The following SLC36A1 variants were observed in gnomAD, a reference collection of about 807,000 sequenced individuals.
SLC36A1 encodes the protein proton-coupled amino acid transporter 1.
In SLC36A1, 30 loss-of-function variants were observed where a neutral mutation model predicts 47.5. That is an observed-to-expected ratio of 0.63 (90% CI 0.47 to 0.86). The LOEUF is 0.86. SLC36A1 is among the 40% of genes least tolerant of loss of function. The pLI, the probability that SLC36A1 is intolerant of heterozygous loss-of-function variation, is 0.00. For missense variants in SLC36A1, 517 were observed against 606.0 expected, an observed-to-expected ratio of 0.85 and a Z score of 1.54; for synonymous variants, 255 against 249.7, an observed-to-expected ratio of 1.02 and a Z score of -0.20.
At chr5:151,521,473 G>A in the SLC36A1 span, 1 of 1,614,226 alleles carries the variant, frequency 6.2e-7, no homozygotes, top group Admixed American at 1.7e-5. Flanking sequence ...CATCTCCTTG[G>A]CTGAGTGAGT....
chr5:151,388,413 A>G, the SLC36A1 span, among the ~76,000 whole-genome samples: 1 of 148,460 alleles, frequency 6.7e-6, no homozygotes, highest in Non-Finnish European at 1.5e-5. Context: ...AGGCAGGAGA[A>G]TCGCTTGAAT....
upstream of SLC36A1, chr5:151,437,000 A>C (rs1508772): frequency 0.51 from 77,583 of 151,988 alleles, 21,968 homozygotes; most frequent in African/African-American, 0.77. Context: ...GTGAGGTAAC[A>C]CTGAGGTCTG....
upstream of SLC36A1, among the ~76,000 whole-genome samples, chr5:151,446,428 G>A (rs1021786187): frequency 6.6e-6 from 1 of 152,122 alleles, no homozygotes; most frequent in Non-Finnish European, 1.5e-5. Flanking sequence ...TACTTGGGAG[G>A]CTGAGACAGG....
upstream of SLC36A1, among the ~76,000 whole-genome samples, chr5:151,436,093 T>C (rs578125860): frequency 3.3e-5 from 5 of 150,992 alleles, no homozygotes; most frequent in Non-Finnish European, 5.9e-5. Context: ...TGAACATCCC[T>C]CTAAGGTAGT....
chr5:151,505,765 C>T, the SLC36A1 span: 1 of 1,614,060 alleles, frequency 6.2e-7, no homozygotes, highest in Non-Finnish European at 8.5e-7. Context: ...CCTCCCCCTC[C>T]CTGCCGGAAC....
At chr5:151,412,087 A>G in the SLC36A1 span, among the ~76,000 whole-genome samples, 4 of 145,004 alleles carry the variant, frequency 2.8e-5, no homozygotes, top group African/African-American at 7.5e-5. Context: ...TTTGTCTGCA[A>G]ACATCCTCCA....
At chr5:151,534,370 G>T in the SLC36A1 span, 1 of 1,512,354 alleles carries the variant, frequency 6.6e-7, no homozygotes, top group East Asian at 2.4e-5. Context: ...GGTGACCCAG[G>T]AGATCATTGG....
At chr5:151,550,459 G>T in the SLC36A1 span, 1 of 1,071,122 alleles carries the variant, frequency 9.3e-7, no homozygotes, top group Non-Finnish European at 1.3e-6. Context: ...AGCCAGCTGT[G>T]AAATGTCACA....
chr5:151,485,211 A>G (rs1759358539), intron 10 of SLC36A1, among the ~76,000 whole-genome samples: 1 of 152,198 alleles, frequency 6.6e-6, no homozygotes, highest in African/African-American at 2.4e-5. Context: ...AAAAGCCTAA[A>G]CTTTTTGCAC....
At chr5:151,554,462 C>T in the SLC36A1 span, 1 of 1,614,234 alleles carries the variant, frequency 6.2e-7, no homozygotes. Context: ...GTCCTCGATA[C>T]TGTAGGTGAC....
upstream of SLC36A1, among the ~76,000 whole-genome samples, chr5:151,435,846 C>T (rs898315383): frequency 2.7e-5 from 3 of 112,246 alleles, no homozygotes; most frequent in African/African-American, 1.3e-4. Flanking sequence ...ATTATTAATA[C>T]AATAAATAGA....
chr5:151,434,398 T>G (rs1413538609), upstream of SLC36A1, among the ~76,000 whole-genome samples: 2 of 152,168 alleles, frequency 1.3e-5, no homozygotes, highest in African/African-American at 4.8e-5. Context: ...AACTGAATAT[T>G]AATTGAATTT....
intron 1 of SLC36A1, among the ~76,000 whole-genome samples, chr5:151,439,725 C>T (rs1287134665): frequency 1.3e-5 from 2 of 151,736 alleles, no homozygotes; most frequent in Non-Finnish European, 2.9e-5. Flanking sequence ...AGGCACATTC[C>T]AGTTGTATTG....
At chr5:151,442,597 G>T (rs1297941611) in intron 1 of SLC36A1, among the ~76,000 whole-genome samples, 3 of 152,084 alleles carry the variant, frequency 2.0e-5, no homozygotes, top group African/African-American at 7.2e-5. Flanking sequence ...TTCCTATCTA[G>T]CTGTAATTTT....
chr5:151,555,970 T>G, the SLC36A1 span, among the ~76,000 whole-genome samples: 3 of 152,130 alleles, frequency 2.0e-5, no homozygotes, highest in Non-Finnish European at 2.9e-5. Flanking sequence ...AAGACAAAGG[T>G]CTGGTTTTCA....
the SLC36A1 span, among the ~76,000 whole-genome samples, chr5:151,370,435 A>G: frequency 6.6e-6 from 1 of 151,088 alleles, no homozygotes; most frequent in Non-Finnish European, 1.5e-5. Flanking sequence ...GGCTCCATTC[A>G]TGTTGTTAGA....
chr5:151,552,870 A>C, the SLC36A1 span, among the ~76,000 whole-genome samples: 1 of 152,188 alleles, frequency 6.6e-6, no homozygotes, highest in African/African-American at 2.4e-5. Context: ...AACACAAAGC[A>C]TTTCTGCTCT....
the SLC36A1 span, among the ~76,000 whole-genome samples, chr5:151,363,132 C>T: frequency 6.6e-6 from 1 of 152,288 alleles, no homozygotes; most frequent in African/African-American, 2.4e-5. Flanking sequence ...TAGGTCACTA[C>T]CTGTGTTTTG....
the SLC36A1 span, among the ~76,000 whole-genome samples, chr5:151,516,448 A>G: frequency 6.6e-6 from 1 of 152,170 alleles, no homozygotes; most frequent in Admixed American, 6.5e-5. Context: ...CCCAGGAGGC[A>G]GAGGTTGCAG....
Sources: gnomAD v4.1 joint callset for allele counts (sites outside exome capture counted in the v4.1 genomes callset) on GRCh38, gnomAD v4.1.1 for gene constraint, MANE v1.5 for transcripts, NCBI Gene and HGNC (gene_info 2026-07-23, HGNC 2026-07-21) for gene names.